The following REDIC1 variants were observed in gnomAD, a reference collection of about 807,000 sequenced individuals.
REDIC1 encodes the protein regulator of DNA class I crossover intermediates 1.
At chr12:39,787,084 T>C in the REDIC1 span, among the ~76,000 whole-genome samples, 2 of 152,118 alleles carry the variant, frequency 1.3e-5, no homozygotes, top group African/African-American at 4.8e-5. Context: ...GATCTATGTA[T>C]CAGGAGTGAC....
At chr12:39,626,407 C>T in the REDIC1 span, 1 of 1,611,724 alleles carries the variant, frequency 6.2e-7, no homozygotes, top group South Asian at 1.1e-5. Context: ...ATTCCTACGA[C>T]TCCTCTTTCT....
At chr12:39,869,794 A>C in the REDIC1 span, among the ~76,000 whole-genome samples, 15 of 152,220 alleles carry the variant, frequency 9.9e-5, no homozygotes, top group African/African-American at 3.6e-4. Context: ...CTGCTTTTGC[A>C]CTAAGTTTGT....
the REDIC1 span, among the ~76,000 whole-genome samples, chr12:39,667,964 G>A: frequency 6.6e-6 from 1 of 152,100 alleles, no homozygotes; most frequent in Non-Finnish European, 1.5e-5. Context: ...GTGTGTCTCT[G>A]CGGGTGAGAT....
chr12:39,821,589 T>G, the REDIC1 span, among the ~76,000 whole-genome samples: 1 of 152,192 alleles, frequency 6.6e-6, no homozygotes. Flanking sequence ...CAGTTATGCT[T>G]CTGTTCCACA....
chr12:39,723,272 C>T, the REDIC1 span, among the ~76,000 whole-genome samples: 2 of 152,118 alleles, frequency 1.3e-5, no homozygotes, highest in African/African-American at 4.8e-5. Context: ...TCAGTGTGTT[C>T]CGTGAGTCCT....
chr12:39,717,628 A>G, the REDIC1 span, among the ~76,000 whole-genome samples: 1 of 151,980 alleles, frequency 6.6e-6, no homozygotes, highest in Non-Finnish European at 1.5e-5. Context: ...ATGGAAATAC[A>G]TCGTTATTTC....
At chr12:39,736,670 G>C in the REDIC1 span, 1 of 152,228 alleles carries the variant, frequency 6.6e-6, no homozygotes, top group South Asian at 2.1e-4. Context: ...TGTCGTAAAA[G>C]GTGATAGAAT....
chr12:39,683,420 T>A, the REDIC1 span: 1 of 1,591,260 alleles, frequency 6.3e-7, no homozygotes, highest in Non-Finnish European at 8.6e-7. Context: ...TTAAGAAAAA[T>A]TTGAAAATGA....
chr12:39,808,717 T>G, the REDIC1 span, among the ~76,000 whole-genome samples: 1 of 152,184 alleles, frequency 6.6e-6, no homozygotes, highest in Admixed American at 6.6e-5. Flanking sequence ...ATTTGCCATC[T>G]TTTTATAGTC....
the REDIC1 span, chr12:39,716,780 G>C: frequency 6.2e-7 from 1 of 1,601,626 alleles, no homozygotes; most frequent in South Asian, 1.1e-5. Flanking sequence ...CAGAGTAGTC[G>C]GTCTACTAGT....
the REDIC1 span, among the ~76,000 whole-genome samples, chr12:39,744,350 A>G: frequency 2.6e-5 from 4 of 152,220 alleles, no homozygotes; most frequent in African/African-American, 9.6e-5. Flanking sequence ...TGCAGTTGAT[A>G]TGGGTCAGAA....
At chr12:39,632,602 C>T in the REDIC1 span, among the ~76,000 whole-genome samples, 1 of 151,950 alleles carries the variant, frequency 6.6e-6, no homozygotes, top group Non-Finnish European at 1.5e-5. Context: ...TGCTTAGTGG[C>T]AGGGTTACAT....
chr12:39,643,330 A>ATTTGC, the REDIC1 span, among the ~76,000 whole-genome samples: 539 of 151,828 alleles, frequency 3.6e-3, 3 homozygotes, highest in African/African-American at 0.011. Context: ...GTTGCAGATT[A>ATTTGC]ATTTGCACAT....
At chr12:39,664,493 G>T in the REDIC1 span, among the ~76,000 whole-genome samples, 1 of 152,130 alleles carries the variant, frequency 6.6e-6, no homozygotes, top group Non-Finnish European at 1.5e-5. Flanking sequence ...CATTTGGGTT[G>T]GTTCCACGTC....
chr12:39,672,878 TG>T, the REDIC1 span, among the ~76,000 whole-genome samples: 1 of 152,152 alleles, frequency 6.6e-6, no homozygotes, highest in African/African-American at 2.4e-5. Context: ...AATGATGCCC[TG>T]AAGGAGCTGC....
chr12:39,700,156 A>T, the REDIC1 span, among the ~76,000 whole-genome samples: 1 of 152,226 alleles, frequency 6.6e-6, no homozygotes, highest in African/African-American at 2.4e-5. Context: ...ATGGGAGGAC[A>T]TTCAAACCAA....
the REDIC1 span, among the ~76,000 whole-genome samples, chr12:39,887,648 G>C: frequency 6.6e-6 from 1 of 152,134 alleles, no homozygotes; most frequent in Non-Finnish European, 1.5e-5. Flanking sequence ...TTCTATTCCA[G>C]TGACCATCGC....
the REDIC1 span, among the ~76,000 whole-genome samples, chr12:39,832,143 T>C: frequency 0.019 from 2,935 of 152,206 alleles, 50 homozygotes; most frequent in South Asian, 0.03. Context: ...AATATAAAAT[T>C]TTCCACACTG....
At chr12:39,701,136 A>T in the REDIC1 span, among the ~76,000 whole-genome samples, 11 of 150,402 alleles carry the variant, frequency 7.3e-5, no homozygotes, top group Admixed American at 7.3e-4. Context: ...AAAGACACAG[A>T]TTGGCAAATT....
Sources: gnomAD v4.1 joint callset for allele counts (sites outside exome capture counted in the v4.1 genomes callset) on GRCh38, gnomAD v4.1.1 for gene constraint, MANE v1.5 for transcripts, NCBI Gene and HGNC (gene_info 2026-07-23, HGNC 2026-07-21) for gene names.